DOCK8: variants seen among roughly 807,000 people sequenced by gnomAD.
The protein encoded by DOCK8 is dedicator of cytokinesis protein 8.
DOCK8 carries 141 observed loss-of-function variants against 245.6 expected under a neutral mutation model. The observed-to-expected ratio is 0.57, with a 90% CI of 0.50 to 0.66. The LOEUF is 0.66. Among genes scored for constraint, DOCK8 ranks in the 30% least tolerant of loss-of-function variants. DOCK8 has a pLI of 0.00. For synonymous variants in DOCK8, 1,168 were observed against 970.2 expected (o/e 1.20, Z -3.79); for missense variants, 2,965 against 2,603.4 (o/e 1.14, Z -3.02).
At chr9:350,190 G>GCTGGGCC (rs2052092910) in intron 14 of DOCK8, among the ~76,000 whole-genome samples, 1 of 152,162 alleles carries the variant, frequency 6.6e-6, no homozygotes, top group South Asian at 2.1e-4. Context: ...CTAGCTCACT[G>GCTGGGCC]CAGCCTCAAA....
At chr9:455,676 T>C (rs915049302) in intron 46 of DOCK8, among the ~76,000 whole-genome samples, 6 of 152,094 alleles carry the variant, frequency 3.9e-5, no homozygotes, top group Non-Finnish European at 8.8e-5. Context: ...TTCACATTTC[T>C]CCCTATTACC....
At chr9:322,573 T>C (rs1045478302) in intron 7 of DOCK8, among the ~76,000 whole-genome samples, 7 of 150,652 alleles carry the variant, frequency 4.6e-5, no homozygotes, top group African/African-American at 1.7e-4. Context: ...CATTACGCTG[T>C]AGTTGTGTAA....
chr9:404,738 G>A (rs896336223), intron 26 of DOCK8, among the ~76,000 whole-genome samples, 180 bp from the exon 27 acceptor site: 9 of 152,156 alleles, frequency 5.9e-5, no homozygotes, highest in African/African-American at 1.9e-4. Context: ...GAACAGTAAT[G>A]AATGAAAATT....
intron 28 of DOCK8, among the ~76,000 whole-genome samples, chr9:412,118 C>G (rs71509962): frequency 2.0e-5 from 3 of 152,068 alleles, no homozygotes; most frequent in Non-Finnish European, 4.4e-5. Context: ...CAAAAGACAT[C>G]TAGGCCAGGC....
At chr9:293,504 G>A (rs2049132074) in intron 4 of DOCK8, among the ~76,000 whole-genome samples, 1 of 152,258 alleles carries the variant, frequency 6.6e-6, no homozygotes, top group Non-Finnish European at 1.5e-5. Flanking sequence ...TGGAAGCTGT[G>A]ATGCTTTCAT....
rs141210649 is a variant in DOCK8, at chr9:312,005, G to A, written c.580G>A (p.Val194Ile). The A allele has an allele frequency of 4.1e-4, 663 of 1,614,162 alleles. 1 individual carries two copies. The highest frequency in any genetic ancestry group is 2.4e-3 in the African/African-American group (179 of 75,036). The change falls in exon 6 of 48, where the codon GTC becomes ATC. Residue 194 changes from valine (V) to isoleucine (I), a missense_variant. Physicochemically the swap from Val to Ile is conservative, Grantham distance 29 (BLOSUM62 3). Coordinates refer to ENST00000432829, the MANE Select transcript of DOCK8 (RefSeq NM_203447.4). ...VLCDVSGKGP[V>I]TACDFDLRSL... is the part of the protein sequence containing the mutation. Reference sequence around the variant, plus strand: ...GTGCGACGTGTCTGGGAAAGGCCCCGTCACTGCCTGTGACTTTGACCTCCG... The same window carrying A: ...GTGCGACGTGTCTGGGAAAGGCCCCATCACTGCCTGTGACTTTGACCTCCG...
intron 10 of DOCK8, among the ~76,000 whole-genome samples, chr9:333,752 G>A (rs1033456093): frequency 1.3e-5 from 2 of 152,012 alleles, no homozygotes; most frequent in African/African-American, 4.8e-5. Flanking sequence ...GAACACCTTG[G>A]AAGTATTGTA....
chr9:270,530 T>G (rs1175011617), intron 1 of DOCK8, among the ~76,000 whole-genome samples: 1 of 152,162 alleles, frequency 6.6e-6, no homozygotes, highest in Non-Finnish European at 1.5e-5. Context: ...TAGGTGTAAC[T>G]CATTGCCAAG....
At chr9:250,817 G>C (rs1353779053) in intron 1 of DOCK8, among the ~76,000 whole-genome samples, 2 of 152,198 alleles carry the variant, frequency 1.3e-5, no homozygotes, top group Non-Finnish European at 2.9e-5. Flanking sequence ...AGGAAGTCCT[G>C]GCTGTCCAGC....
At chr9:429,547 A>G (rs1367630928) in intron 35 of DOCK8, among the ~76,000 whole-genome samples, 155 bp from the exon 36 acceptor site, 2 of 152,202 alleles carry the variant, frequency 1.3e-5, no homozygotes, top group Admixed American at 6.5e-5. Flanking sequence ...GCTTAAATCC[A>G]TCTTCTGATT....
intron 43 of DOCK8, 53 bp from the exon 44 acceptor site, chr9:446,317 A>T: frequency 6.8e-7 from 1 of 1,476,938 alleles, no homozygotes; most frequent in South Asian, 1.1e-5. Flanking sequence ...TGCGTCAGGG[A>T]TGGCCGTTTG....
Position 414,782 on chromosome 9 carries a change from A to T in DOCK8, c.3531A>T (p.Gly1177=). Residue 1177 remains glycine, a splice_region_variant and synonymous_variant, in exon 29 of 48, where the codon GGA becomes GGT. Transcript: ENST00000432829. The part of the protein sequence containing the change: ...LAAALDAEGE[G]ISKVQRKAVS... ...CTTGATTCCTGTGTTGTGCCAACAG[A>T]ATCAGCAAAGTACAAAGGAAAGCTG... The T allele has an allele frequency of 6.2e-7, 1 of 1,614,236 alleles. No homozygotes were observed. The highest frequency in any genetic ancestry group is 8.5e-7 in the Non-Finnish European group (1 of 1,180,032).
intron 1 of DOCK8, among the ~76,000 whole-genome samples, chr9:258,845 G>T (rs886674002): frequency 6.6e-6 from 1 of 151,926 alleles, no homozygotes; most frequent in African/African-American, 2.4e-5. Context: ...TGATCTGCCC[G>T]CCTTGGCCTC....
At chr9:370,374 G>C in intron 16 of DOCK8, 74 bp downstream of exon 16, 1 of 1,354,248 alleles carries the variant, frequency 7.4e-7, no homozygotes, top group South Asian at 1.2e-5. Context: ...AGTCCCGTGG[G>C]TGGTTCCTCC....
intron 1 of DOCK8, among the ~76,000 whole-genome samples, chr9:257,406 T>G (rs572277053): frequency 4.1e-4 from 62 of 152,306 alleles, no homozygotes; most frequent in African/African-American, 1.2e-3. Context: ...AAGAGAAGGC[T>G]GGCAGGTAGA....
At chr9:252,162 C>CG (rs1006959686) in intron 1 of DOCK8, among the ~76,000 whole-genome samples, 20 of 151,680 alleles carry the variant, frequency 1.3e-4, no homozygotes, top group Admixed American at 3.9e-4. Flanking sequence ...TTAACATAGA[C>CG]GGGGGTCTCA....
At position 434,789 on chromosome 9, in the gene DOCK8, C is replaced by T; in HGVS notation, c.4893C>T (p.Ala1631=). Reference sequence around the variant, plus strand: ...TCACTCAATCTGTCTTCAGAATTGCCAAGAGTTACCAGGCATCTCCTGATC... The same window carrying T: ...TCACTCAATCTGTCTTCAGAATTGCTAAGAGTTACCAGGCATCTCCTGATC... ...EMLMDLMYRI[A]KSYQASPDLR... is the part of the protein sequence containing the mutation. The change falls in exon 39 of 48, where the codon GCC becomes GCT. Residue 1631 remains alanine, a synonymous_variant. Transcript: ENST00000432829. The T allele has an allele frequency of 6.2e-7, 1 of 1,614,036 alleles. No homozygotes were observed. Among genetic ancestry groups the T allele is most frequent in the African/African-American group, 1.3e-5 (1 of 75,036 alleles).
chr9:432,646 G>A (rs556559335), intron 37 of DOCK8, among the ~76,000 whole-genome samples: 2 of 152,262 alleles, frequency 1.3e-5, no homozygotes, highest in South Asian at 4.1e-4. Flanking sequence ...GAGGAAGAGA[G>A]GTCGTGATCA....
At chr9:354,654 A>G (rs565203803) in intron 14 of DOCK8, among the ~76,000 whole-genome samples, 12 of 152,240 alleles carry the variant, frequency 7.9e-5, no homozygotes, top group African/African-American at 2.2e-4. Context: ...TCCACTTCCA[A>G]GCTCACTCAT....
Sources: allele counts gnomAD v4.1 joint callset (sites outside exome capture counted in the v4.1 genomes callset), GRCh38; gene constraint gnomAD v4.1.1; transcripts MANE v1.5; gene names NCBI Gene and HGNC (gene_info 2026-07-23, HGNC 2026-07-21).